TMEM150C: variants seen among roughly 807,000 people sequenced by gnomAD.
TMEM150C encodes tentonin 3.
A neutral mutation model predicts 29.9 loss-of-function variants in TMEM150C; 10 were observed. That is an observed-to-expected ratio of 0.33 (90% CI 0.21 to 0.57). The LOEUF (loss-of-function observed/expected upper bound fraction) is 0.57. Among genes scored for constraint, TMEM150C ranks in the 20% least tolerant of loss-of-function variants. TMEM150C has a pLI of 0.88. For synonymous variants in TMEM150C, 101 were observed against 112.5 expected, an observed-to-expected ratio of 0.90 and a Z score of 0.64; for missense variants, 251 against 303.6, an observed-to-expected ratio of 0.83 and a Z score of 1.29.
At chr4:82,492,132 GTTGT>G (rs1222534173) in intron 6 of TMEM150C, among the ~76,000 whole-genome samples, 3 of 126,524 alleles carry the variant, frequency 2.4e-5, no homozygotes, top group Non-Finnish European at 4.9e-5. Flanking sequence ...TGTTGTTGTT[GTTGT>G]TTGTTTGTTT....
intron 6 of TMEM150C, among the ~76,000 whole-genome samples, chr4:82,493,322 A>C (rs912999611): frequency 6.6e-6 from 1 of 152,020 alleles, no homozygotes. Context: ...TGCTTCTAGA[A>C]AATTGGTTTT....
intron 1 of TMEM150C, among the ~76,000 whole-genome samples, chr4:82,552,439 G>A (rs968859437): frequency 3.3e-5 from 5 of 152,092 alleles, no homozygotes; most frequent in Non-Finnish European, 7.4e-5. Flanking sequence ...GAAACCAGGT[G>A]GGAAAACAGC....
At chr4:82,487,314 TGGTGTGTGCC>T (rs1270824244) in intron 7 of TMEM150C, among the ~76,000 whole-genome samples, 1 of 152,158 alleles carries the variant, frequency 6.6e-6, no homozygotes, top group Non-Finnish European at 1.5e-5. Flanking sequence ...CCGGGTGTTT[TGGTGTGTGCC>T]TGTAATCCCA....
intron 1 of TMEM150C, among the ~76,000 whole-genome samples, chr4:82,511,418 G>A (rs1724118532): frequency 6.6e-6 from 1 of 150,678 alleles, no homozygotes. Flanking sequence ...TTTCATGCCA[G>A]TGACCTAAGG....
At chr4:82,549,744 C>T (rs144759476) in intron 1 of TMEM150C, among the ~76,000 whole-genome samples, 6 of 152,236 alleles carry the variant, frequency 3.9e-5, no homozygotes, top group East Asian at 1.9e-4. Flanking sequence ...TATACAACTC[C>T]GTCAACATTT....
At chr4:82,548,847 G>C (rs1725469839) in intron 1 of TMEM150C, among the ~76,000 whole-genome samples, 1 of 152,140 alleles carries the variant, frequency 6.6e-6, no homozygotes, top group Admixed American at 6.6e-5. Context: ...GCATGGACAG[G>C]GCTGCAAGGC....
intron 1 of TMEM150C, among the ~76,000 whole-genome samples, chr4:82,550,980 T>C (rs778255434): frequency 6.6e-6 from 1 of 152,056 alleles, no homozygotes; most frequent in African/African-American, 2.4e-5. Flanking sequence ...GAGGTGAAGA[T>C]GCTAAGAAGG....
At chr4:82,507,176 T>C (rs1301589558) in intron 1 of TMEM150C, among the ~76,000 whole-genome samples, 1 of 152,182 alleles carries the variant, frequency 6.6e-6, no homozygotes, top group East Asian at 1.9e-4. Context: ...AAAAACAGAA[T>C]GATCCAAAGT....
At chr4:82,537,949 CA>C (rs1474541691) in intron 1 of TMEM150C, among the ~76,000 whole-genome samples, 1 of 152,158 alleles carries the variant, frequency 6.6e-6, no homozygotes, top group Non-Finnish European at 1.5e-5. Flanking sequence ...TTTTAAGCCA[CA>C]AAGTCTGTGG....
chr4:82,561,345 G>A (rs1269875506), intron 1 of TMEM150C, among the ~76,000 whole-genome samples: 1 of 152,220 alleles, frequency 6.6e-6, no homozygotes, highest in Non-Finnish European at 1.5e-5. Flanking sequence ...TGTGCATTTA[G>A]AGTGGAGGGC....
In TMEM150C at chr4:82,561,982, G is replaced by A. The variant is rs1578165183; in HGVS notation, c.-87C>T. On this transcript the variant is annotated 5_prime_UTR_variant, in exon 1 of 8. Transcript: ENST00000449862. ...CGGTGGCGGCGGCGGCAGCAGTAGC[G>A]GCGGGTAGGGCGCTTCCTTCAGGAA... 1 of 1,107,034 alleles carries A rather than the reference G, an allele frequency of 9.0e-7. No homozygotes were observed. The highest frequency in any genetic ancestry group is 1.9e-5 in the South Asian group (1 of 51,878). The allele number at this position is 1,107,034 out of a possible 1,614,324, so 68.6% of individuals were successfully genotyped here.
At chr4:82,508,749 A>G (rs1724020793) in intron 1 of TMEM150C, among the ~76,000 whole-genome samples, 1 of 152,192 alleles carries the variant, frequency 6.6e-6, no homozygotes, top group Non-Finnish European at 1.5e-5. Context: ...TATAGGTGTG[A>G]GCCACTGCAC....
chr4:82,490,876 T>C (rs1723318394), intron 6 of TMEM150C: 1 of 699,314 alleles, frequency 1.4e-6, no homozygotes, highest in Admixed American at 1.8e-5. Context: ...AGCTTAGCAA[T>C]GTGAGCCACA....
chr4:82,531,017 C>G (rs1045227501), intron 1 of TMEM150C, among the ~76,000 whole-genome samples: 2 of 152,118 alleles, frequency 1.3e-5, no homozygotes, highest in African/African-American at 4.8e-5. Context: ...CCCACCAGGC[C>G]TCACCTCCAA....
At chr4:82,525,323 A>G (rs969265187) in intron 1 of TMEM150C, among the ~76,000 whole-genome samples, 1 of 152,270 alleles carries the variant, frequency 6.6e-6, no homozygotes, top group African/African-American at 2.4e-5. Context: ...AAATGAAAGT[A>G]CATTCTGAGA....
At position 82,554,490 on chromosome 4, in the gene TMEM150C, T is replaced by C. The variant is rs147032757; in HGVS notation, c.-11+7416A>G. Among the ~76,000 whole-genome samples the C allele has an allele frequency of 2.5e-3, 376 of 152,292 alleles. 3 individuals are homozygous for C. Among genetic ancestry groups the C allele is most frequent in the African/African-American group, 8.5e-3 (355 of 41,586 alleles). On this transcript the variant is annotated intron_variant, in intron 1 of 7. Transcript: ENST00000449862. ...CAACCAGCACAGTTTAAAAAATATA[T>C]GTTAATTTTAGCTACATACAGTTTT...
chr4:82,531,072 A>T (rs1724830916), intron 1 of TMEM150C, among the ~76,000 whole-genome samples: 1 of 152,196 alleles, frequency 6.6e-6, no homozygotes, highest in Non-Finnish European at 1.5e-5. Flanking sequence ...GGCGACACAG[A>T]TCCAAACCAT....
At chr4:82,503,797 C>T (rs1380100399) in intron 2 of TMEM150C, among the ~76,000 whole-genome samples, 1 of 151,938 alleles carries the variant, frequency 6.6e-6, no homozygotes, top group African/African-American at 2.4e-5. Context: ...TTGCAGTGAG[C>T]CAAGATCATG....
At chr4:82,501,213 G>A (rs1459910900) in intron 5 of TMEM150C, among the ~76,000 whole-genome samples, 1 of 152,320 alleles carries the variant, frequency 6.6e-6, no homozygotes, top group African/African-American at 2.4e-5. Flanking sequence ...AAAGGAGCAC[G>A]TATAAAGCTC....
Sources: allele counts gnomAD v4.1 joint callset (sites outside exome capture counted in the v4.1 genomes callset), GRCh38; gene constraint gnomAD v4.1.1; transcripts MANE v1.5; gene names NCBI Gene and HGNC (gene_info 2026-07-23, HGNC 2026-07-21).